Variants in GSN observed in about 807,000 individuals in gnomAD.
GSN encodes the protein gelsolin, also known as actin-depolymerizing factor.
A neutral mutation model predicts 85.7 loss-of-function variants in GSN; 56 were observed. That is an observed-to-expected ratio of 0.65 (90% CI 0.53 to 0.82). GSN has a LOEUF of 0.82. Among genes scored for constraint, GSN ranks in the 40% least tolerant of loss-of-function variants. The probability of loss-of-function intolerance (pLI) is 0.00; values close to 1 mark genes in which losing one functional copy is unlikely to be tolerated. For missense variants in GSN, 857 were observed against 979.8 expected (o/e 0.87, Z 1.67); for synonymous variants, 373 against 399.1 (o/e 0.93, Z 0.78).
intron 1 of GSN, among the ~76,000 whole-genome samples, chr9:121,278,951 C>A (rs947830048): frequency 1.3e-5 from 2 of 152,216 alleles, no homozygotes; most frequent in Non-Finnish European, 1.5e-5. Flanking sequence ...TGTGCACGTG[C>A]ACGTATGTGT....
chr9:121,315,122 A>G (rs1271782210), intron 7 of GSN, among the ~76,000 whole-genome samples: 1 of 152,094 alleles, frequency 6.6e-6, no homozygotes, highest in African/African-American at 2.4e-5. Context: ...CAGCCTCCCA[A>G]AGTGCTGGGA....
chr9:121,331,638 C>G, intron 17 of GSN, 190 bp downstream of exon 17: 1 of 571,626 alleles, frequency 1.7e-6, no homozygotes, highest in East Asian at 2.8e-5. Context: ...CACATCAGTT[C>G]CTTCAGAAAC....
At chr9:121,220,836 C>G (rs976227516) in intron 4 of GSN, among the ~76,000 whole-genome samples, 3 of 152,030 alleles carry the variant, frequency 2.0e-5, no homozygotes, top group Non-Finnish European at 2.9e-5. Context: ...TTTTGTTTTC[C>G]TTGTATTTAT....
intron 6 of GSN, among the ~76,000 whole-genome samples, chr9:121,254,461 G>T (rs1035753895): frequency 6.6e-6 from 1 of 152,126 alleles, no homozygotes; most frequent in East Asian, 1.9e-4. Context: ...TCAGACTCCT[G>T]TCTCCGGGGT....
At chr9:121,296,786 C>T (rs1025557621) in intron 2 of GSN, among the ~76,000 whole-genome samples, 10 of 152,226 alleles carry the variant, frequency 6.6e-5, no homozygotes, top group African/African-American at 1.2e-4. Context: ...GGTCTCCACT[C>T]ATCAGTGCCC....
At chr9:121,247,354 C>T (rs1359711011) in intron 5 of GSN, among the ~76,000 whole-genome samples, 3 of 152,236 alleles carry the variant, frequency 2.0e-5, no homozygotes, top group Non-Finnish European at 4.4e-5. Flanking sequence ...ATTTGTCCCA[C>T]ATTGTTCCAA....
rs914526845 is a variant in GSN at position 121,284,004 on chromosome 9, G to A, written c.-10+2442G>A. ...AGCCCCCTAGGCAGAGAGGCGACCT[G>A]GGTAAGGCTTTAGTGAGGGGGAGTC... On this transcript the variant is annotated intron_variant, in intron 2 of 17. Coordinates refer to ENST00000432226, the MANE Select transcript of GSN (RefSeq NM_198252.3). 3.6e-5 allele frequency: 6 copies of A among 167,142 alleles called. No homozygotes were observed. The Admixed American group carries it at 3.9e-4, about 11-fold the overall frequency. 10.4% of individuals were successfully genotyped at this position (167,142 alleles called of 1,614,324 possible).
intron 6 of GSN, among the ~76,000 whole-genome samples, chr9:121,256,647 G>A (rs1217622015): frequency 6.6e-6 from 1 of 152,172 alleles, no homozygotes; most frequent in African/African-American, 2.4e-5. Flanking sequence ...GGAGGCTGAG[G>A]CAGGTGGATC....
Position 121,299,859 on chromosome 9 carries a change from AC to A in GSN, c.-9-2102del. 1 of 1,354,202 alleles carries A rather than the reference AC, an allele frequency of 7.4e-7. No individual in the cohort carries two copies. Among genetic ancestry groups the A allele is most frequent in the South Asian group, 1.6e-5 (1 of 60,674 alleles). 83.9% of individuals were successfully genotyped at this position (1,354,202 alleles called of 1,614,324 possible). A position where few individuals can be genotyped will look rare whatever the true frequency, so the allele number is the denominator to read the frequency against. ...GACTGGGTCCCCTGCCGCTGTCGCC[AC>A]CATGGCTCCGCACCGCCCCGCGCCC... On this transcript the variant is annotated intron_variant, in intron 2 of 17. Transcript: ENST00000432226. This position sits in a 1 kb window ranked among gnomAD's most constrained non-coding sequence, Gnocchi z 4.2.
intron 5 of GSN, among the ~76,000 whole-genome samples, chr9:121,233,882 T>C (rs941666437): frequency 1.3e-5 from 2 of 152,170 alleles, no homozygotes; most frequent in Non-Finnish European, 2.9e-5. Flanking sequence ...ATTGTTTCGA[T>C]TGGAATTCAG....
chr9:121,210,198 G>A (rs755004972), intron 2 of GSN: 4 of 152,178 alleles, frequency 2.6e-5, no homozygotes, highest in Non-Finnish European at 4.4e-5. Context: ...TCCATAATGT[G>A]TCAACTACTT....
At position 121,299,569 on chromosome 9, in the gene GSN, C is replaced by G. The variant is rs2059560273; in HGVS notation, c.-9-2394C>G. 1 of 692,298 alleles carries G rather than the reference C, an allele frequency of 1.4e-6. No homozygotes were observed. Among genetic ancestry groups the G allele is most frequent in the Non-Finnish European group, 1.8e-6 (1 of 562,188 alleles). The allele number at this position is 692,298 out of a possible 1,614,324, so 42.9% of individuals were successfully genotyped here. ...CTCGCGTGCGTCGCAGGAGGCTCAG[C>G]TGGGCTCGCCGCCGCTCGTGCCTGC... On this transcript the variant is annotated intron_variant, in intron 2 of 17. Transcript: ENST00000432226. The surrounding 1 kb of genome is among the most constrained non-coding windows in gnomAD (Gnocchi z 4.2).
At chr9:121,323,566 C>T (rs2062772909) in intron 11 of GSN, among the ~76,000 whole-genome samples, 2 of 150,768 alleles carry the variant, frequency 1.3e-5, no homozygotes, top group Non-Finnish European at 3.0e-5. Context: ...GACGGAGTTT[C>T]ACCATGTTGG....
rs76844780 is a variant in GSN at position 121,302,746 on chromosome 9, G to T, written c.197-165G>T. 7.8e-3 allele frequency among the ~76,000 whole-genome samples: 1,185 copies of T among 152,244 alleles called. 15 individuals are homozygous for T. The highest frequency in any genetic ancestry group is 0.027 in the African/African-American group (1,129 of 41,532). ...CGCTTAGAGAAAAATGAGGTCCATC[G>T]TCCTGTTATACAGATGGATTAACTG... is the stretch of plus-strand genomic sequence containing the variant. On this transcript the variant is annotated intron_variant, in intron 3 of 17. Coordinates refer to ENST00000432226, the MANE Select transcript of GSN (RefSeq NM_198252.3).
upstream of GSN, among the ~76,000 whole-genome samples, chr9:121,267,204 C>T (rs1429669715): frequency 6.6e-6 from 1 of 152,240 alleles, no homozygotes; most frequent in East Asian, 1.9e-4. Context: ...TGCACCAGGA[C>T]TGCTGGGAGG....
At chr9:121,292,738 C>T (rs568960025) in intron 2 of GSN, among the ~76,000 whole-genome samples, 11 of 152,274 alleles carry the variant, frequency 7.2e-5, no homozygotes, top group African/African-American at 2.6e-4. Context: ...GTCACTTGTC[C>T]TCACCCTGTT....
At chr9:121,256,802 T>A (rs1380444080) in intron 6 of GSN, among the ~76,000 whole-genome samples, 2 of 151,996 alleles carry the variant, frequency 1.3e-5, no homozygotes, top group African/African-American at 2.4e-5. Flanking sequence ...GACAGGAGAA[T>A]CGCTTGAACC....
At chr9:121,286,519 C>A in intron 2 of GSN, 2 of 1,271,732 alleles carry the variant, frequency 1.6e-6, no homozygotes, top group Non-Finnish European at 2.1e-6. Flanking sequence ...AGGGAAACTC[C>A]ATTTATCCTC....
chr9:121,270,231 A>G (rs1398344101), intron 1 of GSN, among the ~76,000 whole-genome samples: 2 of 152,240 alleles, frequency 1.3e-5, no homozygotes, highest in Non-Finnish European at 2.9e-5. Context: ...GAGAATCTAA[A>G]TGAAAATGGA....
Sources: gnomAD v4.1 joint callset for allele counts (sites outside exome capture counted in the v4.1 genomes callset) on GRCh38, gnomAD v4.1.1 for gene constraint, Gnocchi (gnomAD v3.1) non-coding constraint, MANE v1.5 for transcripts, NCBI Gene and HGNC (gene_info 2026-07-23, HGNC 2026-07-21) for gene names.